Variants in SYN2 observed in about 807,000 individuals in gnomAD.
The protein encoded by SYN2 is synapsin-2.
Under a neutral mutation model 50.9 loss-of-function variants are expected in SYN2, and 19 were observed. That is an observed-to-expected ratio of 0.37 (90% CI 0.26 to 0.55). SYN2 has a LOEUF of 0.55. Among genes scored for constraint, SYN2 ranks in the 20% least tolerant of loss-of-function variants. SYN2 has a pLI of 0.81. For synonymous variants in SYN2, 255 were observed against 224.9 expected, an observed-to-expected ratio of 1.13 and a Z score of -1.20; for missense variants, 587 against 576.4, an observed-to-expected ratio of 1.02 and a Z score of -0.19.
intron 5 of SYN2, among the ~76,000 whole-genome samples, chr3:12,157,838 GT>G (rs147112650): frequency 0.016 from 2,488 of 152,312 alleles, 58 homozygotes; most frequent in African/African-American, 0.057. Flanking sequence ...TCGGTGTGAA[GT>G]TTATCTATTG....
At chr3:12,174,776 A>G (rs575097012) in intron 10 of SYN2, among the ~76,000 whole-genome samples, 132 of 152,274 alleles carry the variant, frequency 8.7e-4, no homozygotes, top group South Asian at 1.9e-3. Context: ...CACCGCGCCC[A>G]GCCATAACTG....
At chr3:12,132,268 T>G (rs560652084) in intron 1 of SYN2, among the ~76,000 whole-genome samples, 1 of 152,282 alleles carries the variant, frequency 6.6e-6, no homozygotes, top group East Asian at 1.9e-4. Flanking sequence ...TAACACAAAA[T>G]GAGTAGAGCA....
chr3:12,167,579 C>A (rs1649566098), intron 8 of SYN2, among the ~76,000 whole-genome samples: 1 of 151,930 alleles, frequency 6.6e-6, no homozygotes. Context: ...GTACAGTCTG[C>A]AGAACCATGA....
In SYN2 at chr3:12,099,975, G is replaced by GAAAAAA. The variant is rs376887129; in HGVS notation, c.378-40670_378-40665dup. On this transcript the variant is annotated intron_variant, in intron 1 of 12. Transcript: ENST00000621198. ...GTGAGACTCTGTCTCAAAAAAAAAA[G>GAAAAAA]AAAAAAAAAAAGAAGTGCCTACAGT... 2.6e-3 allele frequency among the ~76,000 whole-genome samples: 313 copies of GAAAAAA among 120,194 alleles called. 11 individuals are homozygous for GAAAAAA. The highest frequency in any genetic ancestry group is 0.015 in the East Asian group (60 of 4,030). The allele number at this position is 120,194 out of a possible 152,430, so 78.9% of individuals were successfully genotyped here.
chr3:12,027,516 G>T (rs1160891642), intron 1 of SYN2, among the ~76,000 whole-genome samples: 1 of 152,166 alleles, frequency 6.6e-6, no homozygotes, highest in African/African-American at 2.4e-5. Flanking sequence ...CACAGTACCT[G>T]ATCAGTTGGG....
At chr3:12,185,670 CCT>C (rs1698328432) in intron 11 of SYN2, 1 of 985,836 alleles carries the variant, frequency 1.0e-6, no homozygotes. Flanking sequence ...GATTGAAGTA[CCT>C]CTCTTTTGTG....
At chr3:12,033,462 G>T (rs1357206940) in intron 1 of SYN2, among the ~76,000 whole-genome samples, 2 of 152,128 alleles carry the variant, frequency 1.3e-5, no homozygotes, top group East Asian at 3.9e-4. Context: ...GTGTGAGGCA[G>T]ACTAGGGTAC....
In SYN2 at chr3:12,128,976, C is replaced by T. The variant is rs553145768; in HGVS notation, c.378-11675C>T. On this transcript the variant is annotated intron_variant, in intron 1 of 12. Coordinates refer to ENST00000621198, the MANE Select transcript of SYN2 (RefSeq NM_133625.6). ...GCTACCACCACAAGGTCGCTATTCT[C>T]ATGGAGCTTACATTTTGGTTGGGCA... is the stretch of plus-strand genomic sequence containing the variant. 4.6e-5 allele frequency among the ~76,000 whole-genome samples: 7 copies of T among 152,132 alleles called. No individual in the cohort carries two copies. The South Asian group carries it at 1.5e-3, about 32-fold the overall frequency.
intron 1 of SYN2, among the ~76,000 whole-genome samples, chr3:12,083,025 T>C (rs1695614590): frequency 1.3e-5 from 2 of 152,312 alleles, no homozygotes; most frequent in Admixed American, 6.5e-5. Context: ...TCTTATTTTT[T>C]CCCCGAGACT....
chr3:12,125,054 G>T (rs368921035), intron 1 of SYN2, among the ~76,000 whole-genome samples: 33 of 151,106 alleles, frequency 2.2e-4, no homozygotes, highest in African/African-American at 6.6e-4. Flanking sequence ...TCACCCTGTC[G>T]CCCAGGCTGG....
intron 1 of SYN2, among the ~76,000 whole-genome samples, chr3:12,082,442 A>G (rs1416416293): frequency 1.3e-5 from 2 of 152,222 alleles, no homozygotes; most frequent in Admixed American, 6.5e-5. Context: ...CTGAAATCCA[A>G]GTTCTCAGAT....
chr3:12,035,625 G>A (rs1019772700), intron 1 of SYN2, among the ~76,000 whole-genome samples: 8 of 152,304 alleles, frequency 5.3e-5, no homozygotes, highest in African/African-American at 9.6e-5. Flanking sequence ...TGATTTGACC[G>A]GAAAAGGTGG....
At chr3:12,053,482 T>C (rs1694916303) in intron 1 of SYN2, among the ~76,000 whole-genome samples, 1 of 151,880 alleles carries the variant, frequency 6.6e-6, no homozygotes, top group South Asian at 2.1e-4. Flanking sequence ...TTCTGATTGA[T>C]CCTTCTTTCT....
intron 1 of SYN2, among the ~76,000 whole-genome samples, chr3:12,008,156 T>C (rs980744637): frequency 6.6e-6 from 1 of 152,182 alleles, no homozygotes; most frequent in Non-Finnish European, 1.5e-5. Context: ...AGCGAAGAGA[T>C]ACGTTTTCTC....
chr3:12,156,840 T>A, intron 5 of SYN2: 1 of 1,614,186 alleles, frequency 6.2e-7, no homozygotes, highest in Admixed American at 1.7e-5. Flanking sequence ...ATACTGCTTC[T>A]GGCTGTTGGC....
intron 1 of SYN2, among the ~76,000 whole-genome samples, chr3:12,041,631 C>A (rs552839311): frequency 6.6e-6 from 1 of 152,148 alleles, no homozygotes. Flanking sequence ...CCTTCTAGTT[C>A]GTGTCCTTGC....
chr3:12,148,809 T>C (rs1376211781), intron 4 of SYN2: 1 of 152,214 alleles, frequency 6.6e-6, no homozygotes, highest in Non-Finnish European at 1.5e-5. Context: ...CCCATTTTTT[T>C]CCAAGAAATC....
rs953461071 is a variant in SYN2 at position 12,141,787 on chromosome 3, T to A, written c.436-118T>A. ...CTATTAGAATTAGACTAACTCAGTA[T>A]GTGAACATGTTTTGAAAACTGTATA... On this transcript the variant is annotated intron_variant, in intron 2 of 12. Transcript: ENST00000621198. 7.5e-6 allele frequency: 5 copies of A among 669,284 alleles called. No homozygotes were observed. In the African/African-American group the frequency reaches 8.8e-5, roughly 12 times the overall value. The allele number at this position is 669,284 out of a possible 1,614,324, so 41.5% of individuals were successfully genotyped here.
intron 3 of SYN2, among the ~76,000 whole-genome samples, chr3:12,143,333 C>T (rs952962231): frequency 3.3e-5 from 5 of 152,098 alleles, no homozygotes; most frequent in African/African-American, 9.7e-5. Context: ...ATTTGTTACA[C>T]GAATTATGTA....
Sources: allele counts gnomAD v4.1 joint callset (sites outside exome capture counted in the v4.1 genomes callset), GRCh38; gene constraint gnomAD v4.1.1; transcripts MANE v1.5; gene names NCBI Gene and HGNC (gene_info 2026-07-23, HGNC 2026-07-21).